The following RTN4 variants were observed in gnomAD, a reference collection of about 807,000 sequenced individuals.
RTN4 encodes reticulon 4, also known as reticulon-4.
RTN4 carries 32 observed loss-of-function variants against 90.4 expected under a neutral mutation model. The observed-to-expected ratio is 0.35, with a 90% CI of 0.27 to 0.48. The LOEUF (loss-of-function observed/expected upper bound fraction) is 0.48, where lower values mean the gene tolerates loss of function less well. RTN4 is among the 20% of genes least tolerant of loss of function. RTN4 has a pLI of 0.99. For synonymous variants in RTN4, 629 were observed against 552.5 expected, an observed-to-expected ratio of 1.14 and a Z score of -1.94; for missense variants, 1,706 against 1,430.2, an observed-to-expected ratio of 1.19 and a Z score of -3.11.
intron 1 of RTN4, among the ~76,000 whole-genome samples, chr2:55,087,595 T>C (rs1668866992): frequency 6.6e-6 from 1 of 152,166 alleles, no homozygotes; most frequent in Admixed American, 6.6e-5. Context: ...CTGAATCTTG[T>C]TGATGGCCAC....
intron 1 of RTN4, among the ~76,000 whole-genome samples, chr2:55,048,282 C>T (rs1165249476): frequency 6.6e-6 from 1 of 152,194 alleles, no homozygotes; most frequent in Non-Finnish European, 1.5e-5. Context: ...AGGACATTAC[C>T]ATGTACTACT....
At chr2:55,127,713 C>T in the RTN4 span, among the ~76,000 whole-genome samples, 2 of 152,210 alleles carry the variant, frequency 1.3e-5, no homozygotes, top group African/African-American at 4.8e-5. Flanking sequence ...AGCTAGAACA[C>T]AATCACAGAT....
At chr2:55,095,255 C>T (rs528303749) in intron 1 of RTN4, among the ~76,000 whole-genome samples, 27 of 151,540 alleles carry the variant, frequency 1.8e-4, no homozygotes, top group Admixed American at 1.2e-3. Flanking sequence ...ACCTGGCAGG[C>T]GGAAATTGCA....
At chr2:55,106,614 G>T (rs920526910) in intron 1 of RTN4, among the ~76,000 whole-genome samples, 1 of 152,012 alleles carries the variant, frequency 6.6e-6, no homozygotes, top group Non-Finnish European at 1.5e-5. Context: ...CTGCTTCCTG[G>T]GTTCAAGTGA....
chr2:55,055,113 T>A (rs185667142), upstream of RTN4, among the ~76,000 whole-genome samples: 7 of 152,190 alleles, frequency 4.6e-5, no homozygotes, highest in African/African-American at 7.2e-5. Context: ...CTCCTTTAAC[T>A]GTTTTCGGTC....
intron 1 of RTN4, among the ~76,000 whole-genome samples, chr2:55,032,699 G>A (rs1384014411): frequency 6.6e-6 from 1 of 152,070 alleles, no homozygotes; most frequent in Non-Finnish European, 1.5e-5. Context: ...AGACAATCAA[G>A]GAGTTAAAAT....
the RTN4 span, among the ~76,000 whole-genome samples, chr2:55,134,934 A>G: frequency 3.9e-5 from 6 of 152,186 alleles, no homozygotes; most frequent in Non-Finnish European, 7.3e-5. Context: ...TCTGTTGAGC[A>G]CTTGAAATGT....
At chr2:55,068,133 T>A (rs1452306734) in intron 2 of RTN4, among the ~76,000 whole-genome samples, 1 of 152,200 alleles carries the variant, frequency 6.6e-6, no homozygotes, top group African/African-American at 2.4e-5. Context: ...AATGATTTTT[T>A]AAGATGATTG....
chr2:55,066,124 A>G (rs1668385007), intron 2 of RTN4, among the ~76,000 whole-genome samples: 1 of 152,160 alleles, frequency 6.6e-6, no homozygotes, highest in South Asian at 2.1e-4. Context: ...CAAAATATCA[A>G]GTGAAAAAAG....
chr2:55,029,133 T>C (rs996221371), intron 1 of RTN4, among the ~76,000 whole-genome samples: 3 of 151,958 alleles, frequency 2.0e-5, no homozygotes, highest in African/African-American at 7.3e-5. Flanking sequence ...ATGCTCCCTG[T>C]CTCCCCAGGC....
chr2:55,084,652 C>T (rs1428723215), intron 1 of RTN4, among the ~76,000 whole-genome samples: 1 of 152,128 alleles, frequency 6.6e-6, no homozygotes, highest in Non-Finnish European at 1.5e-5. Context: ...GAGCCCTTAA[C>T]CTGTGGCGTC....
intron 1 of RTN4, among the ~76,000 whole-genome samples, chr2:55,108,915 C>T (rs187737669): frequency 5.9e-5 from 9 of 152,168 alleles, no homozygotes; most frequent in African/African-American, 9.6e-5. Context: ...CTGTGCTAAA[C>T]ACATCCCTAA....
chr2:55,129,124 A>G, the RTN4 span, among the ~76,000 whole-genome samples: 1 of 150,350 alleles, frequency 6.7e-6, no homozygotes, highest in African/African-American at 2.5e-5. Context: ...AAAAAAAAGA[A>G]AAAAAAAAGA....
intron 3 of RTN4, among the ~76,000 whole-genome samples, chr2:55,006,038 T>C (rs1553437972): frequency 6.6e-6 from 1 of 152,160 alleles, no homozygotes; most frequent in Non-Finnish European, 1.5e-5. Flanking sequence ...TAAAATATTG[T>C]AGTCATTAAA....
intron 1 of RTN4, among the ~76,000 whole-genome samples, chr2:55,083,085 T>C (rs913264450): frequency 8.5e-5 from 13 of 152,176 alleles, no homozygotes; most frequent in African/African-American, 2.7e-4. Context: ...ATGTAAACAA[T>C]AGAGGAATGA....
intron 1 of RTN4, among the ~76,000 whole-genome samples, chr2:55,031,614 T>C (rs1225412504): frequency 6.6e-6 from 1 of 152,140 alleles, no homozygotes; most frequent in African/African-American, 2.4e-5. Context: ...TTCTGACCAG[T>C]CAGAAAGGAA....
chr2:55,023,978 G>C (rs1253821397), intron 3 of RTN4, among the ~76,000 whole-genome samples: 1 of 152,090 alleles, frequency 6.6e-6, no homozygotes, highest in Non-Finnish European at 1.5e-5. Flanking sequence ...GCCCATGACA[G>C]ACACATACAG....
Position 55,021,400 on chromosome 2 carries a change from G to A in RTN4, c.3013+3686C>T, listed in dbSNP as rs1372740647. On this transcript the variant is annotated intron_variant, in intron 3 of 8. Transcript: ENST00000337526. Reference sequence around the variant, plus strand: ...TTTCATCTTTTTCCCTGCCCCCCCCGCCAAAAAAAAATCTCATATAGTGCC... The same window carrying A: ...TTTCATCTTTTTCCCTGCCCCCCCCACCAAAAAAAAATCTCATATAGTGCC... Among the ~76,000 whole-genome samples the A allele has an allele frequency of 5.0e-5, 7 of 139,100 alleles. No individual in the cohort carries two copies. The East Asian group carries it at 7.9e-4, about 16-fold the overall frequency. 91.3% of individuals were successfully genotyped at this position (139,100 alleles called of 152,430 possible).
At chr2:54,983,795 A>G (rs1678335408) in intron 4 of RTN4, among the ~76,000 whole-genome samples, 1 of 152,226 alleles carries the variant, frequency 6.6e-6, no homozygotes, top group Non-Finnish European at 1.5e-5. Context: ...AGCAAGAGTT[A>G]GAAGACCTGC....
Sources: gnomAD v4.1 joint callset for allele counts (sites outside exome capture counted in the v4.1 genomes callset) on GRCh38, gnomAD v4.1.1 for gene constraint, MANE v1.5 for transcripts, NCBI Gene and HGNC (gene_info 2026-07-23, HGNC 2026-07-21) for gene names.